The following GNAI3 variants were observed in gnomAD, a reference collection of about 807,000 sequenced individuals.
GNAI3 encodes guanine nucleotide-binding protein G(i) subunit alpha-3.
Under a neutral mutation model 41.8 loss-of-function variants are expected in GNAI3, and 12 were observed. The observed-to-expected ratio is 0.29, with a 90% CI of 0.18 to 0.47. The LOEUF (loss-of-function observed/expected upper bound fraction) is 0.47, where lower values mean the gene tolerates loss of function less well. GNAI3 is among the 20% of genes least tolerant of loss of function. The probability of loss-of-function intolerance (pLI) is 1.00; values close to 1 mark genes in which losing one functional copy is unlikely to be tolerated. For synonymous variants in GNAI3, 132 were observed against 146.5 expected (o/e 0.90, Z 0.71); for missense variants, 360 against 429.6 (o/e 0.84, Z 1.43).
At chr1:109,566,512 G>A (rs927808547) in intron 1 of GNAI3, among the ~76,000 whole-genome samples, 10 of 152,058 alleles carry the variant, frequency 6.6e-5, no homozygotes, top group African/African-American at 1.9e-4. Flanking sequence ...AGAAGCAACT[G>A]GTTTTTTAAT....
At chr1:109,549,147 A>T (rs1647912796) in intron 1 of GNAI3, among the ~76,000 whole-genome samples, 2 of 152,232 alleles carry the variant, frequency 1.3e-5, no homozygotes, top group Admixed American at 6.5e-5. Context: ...AAGCTCATAA[A>T]GGAAGAGTTG....
chr1:109,566,578 T>C (rs549737937), intron 1 of GNAI3, among the ~76,000 whole-genome samples: 9 of 152,346 alleles, frequency 5.9e-5, no homozygotes, highest in African/African-American at 2.2e-4. Context: ...TTTTGTTTGT[T>C]CGAGATGGAG....
Position 109,573,717 on chromosome 1 carries a change from C to A in GNAI3, c.119-20C>A. 1.3e-6 allele frequency: 2 copies of A among 1,582,486 alleles called. No homozygotes were observed. Among genetic ancestry groups the A allele is most frequent in the South Asian group, 1.1e-5 (1 of 90,254 alleles). On this transcript the variant is annotated intron_variant, in intron 1 of 8. Transcript: ENST00000369851. ...TGTTGATTACCGAGAAATTCAAAGTCTGGTTTTCTTTTCTTACAGGTGCTG... is the reference window on the plus strand; with the variant it reads ...TGTTGATTACCGAGAAATTCAAAGTATGGTTTTCTTTTCTTACAGGTGCTG...
chr1:109,587,588 T>G (rs1200253060), intron 7 of GNAI3, among the ~76,000 whole-genome samples: 2 of 152,148 alleles, frequency 1.3e-5, no homozygotes, highest in Admixed American at 1.3e-4. Flanking sequence ...TGACCAGTTG[T>G]GGAACCCAGA....
intron 3 of GNAI3, among the ~76,000 whole-genome samples, chr1:109,576,834 T>G (rs1305348004): frequency 6.6e-6 from 1 of 152,182 alleles, no homozygotes; most frequent in Non-Finnish European, 1.5e-5. Flanking sequence ...GAGGCACCTC[T>G]TTATAGACCT....
intron 4 of GNAI3, among the ~76,000 whole-genome samples, chr1:109,581,952 ATACTT>A (rs1423811627): frequency 2.6e-5 from 4 of 152,050 alleles, no homozygotes; most frequent in Admixed American, 1.3e-4. Flanking sequence ...TATAGACTCT[ATACTT>A]TAATTGTCCT....
At position 109,599,075 on chromosome 1, in the gene GNAI3, G is replaced by A; in HGVS notation, c.*6753G>A. 2.8e-6 allele frequency: 1 copy of A among 361,098 alleles called. No individual in the cohort carries two copies. The highest frequency in any genetic ancestry group is 6.4e-6 in the Non-Finnish European group (1 of 155,510). 22.4% of individuals were successfully genotyped at this position (361,098 alleles called of 1,614,324 possible). A position where few individuals can be genotyped will look rare whatever the true frequency, so the allele number is the denominator to read the frequency against. On this transcript the variant is annotated 3_prime_UTR_variant, in exon 9 of 9. Coordinates refer to ENST00000369851, the MANE Select transcript of GNAI3 (RefSeq NM_006496.4). The stretch of plus-strand genomic sequence containing the variant: ...ATACTCTGTTTTGGACTATTTGGAG[G>A]TACATGTGAGTGGATTTTATTACCA...
intron 4 of GNAI3, among the ~76,000 whole-genome samples, chr1:109,580,891 G>T (rs11583330): frequency 0.067 from 10,213 of 152,222 alleles, 457 homozygotes; most frequent in Non-Finnish European, 0.1. Flanking sequence ...CTTTCAATGA[G>T]AACTTGGCTT....
chr1:109,589,956 ATC>A (rs1325983525), intron 7 of GNAI3, among the ~76,000 whole-genome samples: 2 of 152,220 alleles, frequency 1.3e-5, no homozygotes, highest in African/African-American at 4.8e-5. Flanking sequence ...ATGGTTAAAT[ATC>A]TGTTATGTTA....
rs1215706547 is a variant in GNAI3 at position 109,575,568 on chromosome 1, ACTCTCGCC to A, written c.303+1534_303+1541del. 1.6e-4 allele frequency among the ~76,000 whole-genome samples: 14 copies of A among 89,640 alleles called. No homozygotes were observed. The Admixed American group carries it at 1.7e-3, about 11-fold the overall frequency. The allele number at this position is 89,640 out of a possible 152,430, so 58.8% of individuals were successfully genotyped here. ...TTTTTTTTTTTTTTTTTGGAGACGG[ACTCTCGCC>A]CTGTCGCCCAGGCTGGAATGCAATG... On this transcript the variant is annotated intron_variant, in intron 3 of 8. Coordinates refer to ENST00000369851, the MANE Select transcript of GNAI3 (RefSeq NM_006496.4).
At chr1:109,561,364 A>G (rs1350104042) in intron 1 of GNAI3, among the ~76,000 whole-genome samples, 4 of 152,122 alleles carry the variant, frequency 2.6e-5, no homozygotes, top group Non-Finnish European at 5.9e-5. Flanking sequence ...GTTTTTCCTT[A>G]ATGTTGATAT....
rs1373942105 is a variant in GNAI3 at position 109,594,931 on chromosome 1, C to G, written c.*2609C>G. ...GGATTACAGGCGTGAGCCACCGCACCTGGCTGGCAATTTATAATTTTTAAA... is the reference window on the plus strand; with the variant it reads ...GGATTACAGGCGTGAGCCACCGCACGTGGCTGGCAATTTATAATTTTTAAA... On this transcript the variant is annotated 3_prime_UTR_variant, in exon 9 of 9. Transcript: ENST00000369851. 6.6e-6 allele frequency: 1 copy of G among 152,178 alleles called. No individual in the cohort carries two copies. Among genetic ancestry groups the G allele is most frequent in the Middle Eastern group, 3.2e-3 (1 of 316 alleles). 9.4% of individuals were successfully genotyped at this position (152,178 alleles called of 1,614,324 possible).
At chr1:109,568,782 CAA>C (rs1193442417) in intron 1 of GNAI3, among the ~76,000 whole-genome samples, 1 of 152,126 alleles carries the variant, frequency 6.6e-6, no homozygotes, top group African/African-American at 2.4e-5. Context: ...CTCCTGGGCT[CAA>C]GAGATTTTCC....
intron 1 of GNAI3, among the ~76,000 whole-genome samples, chr1:109,565,867 G>A (rs1293860582): frequency 6.6e-6 from 1 of 152,194 alleles, no homozygotes; most frequent in Non-Finnish European, 1.5e-5. Flanking sequence ...CCCTGAGGGA[G>A]AATTACATAG....
At position 109,594,175 on chromosome 1, in the gene GNAI3, G is replaced by A. The variant is rs967660394; in HGVS notation, c.*1853G>A. On this transcript the variant is annotated 3_prime_UTR_variant, in exon 9 of 9. Coordinates refer to ENST00000369851, the MANE Select transcript of GNAI3 (RefSeq NM_006496.4). ...GATTCAGTGCCCACAATGTAAACAG[G>A]GTTGGTAGTTGTTACTCATTTTGAA... 6.6e-6 allele frequency: 1 copy of A among 152,318 alleles called. No individual in the cohort carries two copies. The highest frequency in any genetic ancestry group is 2.1e-4 in the South Asian group (1 of 4,814). The allele number at this position is 152,318 out of a possible 1,614,324, so 9.4% of individuals were successfully genotyped here. A position where few individuals can be genotyped will look rare whatever the true frequency, so the allele number is the denominator to read the frequency against.
At chr1:109,583,742 G>C (rs995339026) in intron 5 of GNAI3, among the ~76,000 whole-genome samples, 1 of 146,682 alleles carries the variant, frequency 6.8e-6, no homozygotes, top group African/African-American at 2.6e-5. Context: ...CACCACGCCC[G>C]GCTAATTTTT....
intron 1 of GNAI3, among the ~76,000 whole-genome samples, chr1:109,570,856 C>A (rs1222109349): frequency 1.3e-5 from 2 of 152,294 alleles, no homozygotes; most frequent in Admixed American, 1.3e-4. Context: ...ATCTAATTTA[C>A]ATTTTACAAA....
chr1:109,580,089 C>T (rs1297893207), intron 4 of GNAI3, among the ~76,000 whole-genome samples: 1 of 152,226 alleles, frequency 6.6e-6, no homozygotes, highest in Admixed American at 6.5e-5. Flanking sequence ...GCAAGCTCCA[C>T]CTCCCAGGTT....
At position 109,599,629 on chromosome 1, in the gene GNAI3, A is replaced by G. The variant is rs113363312; in HGVS notation, c.*7307A>G. The G allele has an allele frequency of 9.7e-4, 148 of 152,334 alleles. No homozygotes were observed. Among genetic ancestry groups the G allele is most frequent in the African/African-American group, 3.4e-3 (140 of 41,568 alleles). 9.4% of individuals were successfully genotyped at this position (152,334 alleles called of 1,614,324 possible). A position where few individuals can be genotyped will look rare whatever the true frequency, so the allele number is the denominator to read the frequency against. On this transcript the variant is annotated 3_prime_UTR_variant, in exon 9 of 9. Coordinates refer to ENST00000369851, the MANE Select transcript of GNAI3 (RefSeq NM_006496.4). ...TAATCATGCTATGCTAGGGAAGTACATTATGGTCTCTCCCTCTAAGAATAT... is the reference window on the plus strand; with the variant it reads ...TAATCATGCTATGCTAGGGAAGTACGTTATGGTCTCTCCCTCTAAGAATAT...
Sources: allele counts gnomAD v4.1 joint callset (sites outside exome capture counted in the v4.1 genomes callset), GRCh38; gene constraint gnomAD v4.1.1; transcripts MANE v1.5; gene names NCBI Gene and HGNC (gene_info 2026-07-23, HGNC 2026-07-21).